The following MICAL3 variants were observed in gnomAD, a reference collection of about 807,000 sequenced individuals.
MICAL3 encodes the protein [F-actin]-monooxygenase MICAL3.
MICAL3 carries 62 observed loss-of-function variants against 207.4 expected under a neutral mutation model. The observed-to-expected ratio is 0.30, with a 90% CI of 0.24 to 0.37. The LOEUF is 0.37. MICAL3 is among the 10% of genes least tolerant of loss of function. MICAL3 has a pLI of 1.00. For synonymous variants in MICAL3, 1,077 were observed against 1,069.3 expected, an observed-to-expected ratio of 1.01 and a Z score of -0.14; for missense variants, 2,368 against 2,635.6, an observed-to-expected ratio of 0.90 and a Z score of 2.22.
intron 19 of MICAL3, among the ~76,000 whole-genome samples, chr22:17,858,823 C>T (rs936964652): frequency 9.2e-5 from 14 of 152,218 alleles, no homozygotes; most frequent in Non-Finnish European, 1.5e-4. Flanking sequence ...CCTCAGGCAT[C>T]GCTGTGAACA....
At chr22:17,960,452 C>G (rs976687049) in intron 1 of MICAL3, among the ~76,000 whole-genome samples, 6 of 152,192 alleles carry the variant, frequency 3.9e-5, no homozygotes, top group Admixed American at 1.3e-4. Context: ...AATTCCTGTC[C>G]TCATGGAGCT....
At chr22:17,957,039 T>C (rs960483781) in intron 1 of MICAL3, among the ~76,000 whole-genome samples, 2 of 152,196 alleles carry the variant, frequency 1.3e-5, no homozygotes, top group African/African-American at 4.8e-5. Context: ...TAGAAAAACA[T>C]TTTGCCTTTC....
chr22:17,950,850 A>C (rs989355711), intron 1 of MICAL3, among the ~76,000 whole-genome samples: 2 of 152,162 alleles, frequency 1.3e-5, no homozygotes, highest in African/African-American at 4.8e-5. Context: ...ACTTGGAAAG[A>C]CTCAGAGGCT....
rs115100667 is a variant in MICAL3 at position 17,791,691 on chromosome 22, G to A, written c.5651-390C>T. On this transcript the variant is annotated intron_variant, in intron 29 of 31. Coordinates refer to ENST00000441493, the MANE Select transcript of MICAL3 (RefSeq NM_015241.3). ...TTGGAGGAAACCCGTCTTGTTAAAC[G>A]AGACAAATGTGAATTTGTAAACTGC... 1,240 of 217,564 alleles carry A rather than the reference G, an allele frequency of 5.7e-3. 24 individuals are homozygous for A. The highest frequency in any genetic ancestry group is 0.027 in the African/African-American group (1,193 of 44,098). The allele number at this position is 217,564 out of a possible 1,614,324, so 13.5% of individuals were successfully genotyped here.
intron 16 of MICAL3, among the ~76,000 whole-genome samples, chr22:17,884,046 AAC>A (rs1474782755): frequency 1.3e-5 from 2 of 152,210 alleles, no homozygotes; most frequent in Non-Finnish European, 2.9e-5. Context: ...AAACCAAATC[AAC>A]AGTCTCCCTT....
chr22:17,990,805 CAT>C, intron 1 of MICAL3, among the ~76,000 whole-genome samples: 1 of 152,204 alleles, frequency 6.6e-6, no homozygotes. Context: ...TGCCATGACA[CAT>C]ATTATGAAGC....
chr22:17,973,377 T>C (rs1935504793), intron 1 of MICAL3, among the ~76,000 whole-genome samples: 1 of 152,130 alleles, frequency 6.6e-6, no homozygotes, highest in Admixed American at 6.5e-5. Flanking sequence ...CTTACTTCTG[T>C]AGGGTATGTA....
At chr22:17,913,905 C>G (rs772387477) in intron 1 of MICAL3, among the ~76,000 whole-genome samples, 1 of 152,124 alleles carries the variant, frequency 6.6e-6, no homozygotes, top group African/African-American at 2.4e-5. Flanking sequence ...CGTCAACTCA[C>G]GTTCAAAGTA....
intron 19 of MICAL3, 78 bp downstream of exon 19, chr22:17,864,821 G>A (rs1042261947): frequency 6.2e-7 from 1 of 1,613,952 alleles, no homozygotes; most frequent in Non-Finnish European, 8.5e-7. Flanking sequence ...CTTTGGAGGT[G>A]CTGGCTCATG....
At chr22:17,861,099 A>G (rs1300401000) in intron 19 of MICAL3, 5 of 985,420 alleles carry the variant, frequency 5.1e-6, no homozygotes, top group Non-Finnish European at 6.0e-6. Context: ...GCTCCACTAA[A>G]AAGCTTTCCA....
Position 17,827,768 on chromosome 22 carries a change from C to A in MICAL3, c.3069G>T (p.Arg1023Ser). ...EEESSEAGNQRLQQVMHAADP... is the reference protein window; with the variant it reads ...EEESSEAGNQSLQQVMHAADP... ...CCGCCGCGTGCATGACCTGCTGGAG[C>A]CTCTGGTTCCCGGCTAGTGTCCCAG... Residue 1023 changes from arginine (R) to serine (S), a missense_variant, in exon 22 of 32, where the codon AGG (arginine) becomes AGT (serine). This residue lies in a region of MICAL3 where 1,770 missense variants were observed against 1,863.2 expected (regional missense o/e 0.95). Coordinates refer to ENST00000441493, the MANE Select transcript of MICAL3 (RefSeq NM_015241.3). 1.3e-6 allele frequency: 2 copies of A among 1,550,068 alleles called. No homozygotes were observed. Among genetic ancestry groups the A allele is most frequent in the South Asian group, 1.2e-5 (1 of 84,030 alleles).
intron 3 of MICAL3, among the ~76,000 whole-genome samples, chr22:17,904,142 C>T (rs1442970389): frequency 6.6e-6 from 1 of 152,254 alleles, no homozygotes; most frequent in East Asian, 1.9e-4. Flanking sequence ...CAGGCCAGGG[C>T]TCTGCGCCTC....
Position 17,790,931 on chromosome 22 carries a change from A to C in MICAL3, c.5825-15T>G, listed in dbSNP as rs2289716. The C allele has an allele frequency of 4.0e-4, 648 of 1,613,458 alleles. 2 individuals carry two copies. In the East Asian group the frequency reaches 0.012, roughly 29 times the overall value. On this transcript the variant is annotated splice_polypyrimidine_tract_variant and intron_variant, in intron 31 of 31. Coordinates refer to ENST00000441493, the MANE Select transcript of MICAL3 (RefSeq NM_015241.3). ...CTTAAGGTGATCTTGAAGGAGAAGA[A>C]GGCATGAGGTGAGGGGCCTGGAGGT...
At chr22:17,896,585 A>G in intron 8 of MICAL3, 139 bp downstream of exon 8, 2 of 923,960 alleles carry the variant, frequency 2.2e-6, no homozygotes, top group East Asian at 2.6e-5. Context: ...GCCCTCCTCT[A>G]CTTCCTGGTG....
At chr22:17,791,173 G>C (rs777709951) in intron 30 of MICAL3, 29 bp downstream of exon 30, 1 of 1,610,298 alleles carries the variant, frequency 6.2e-7, no homozygotes, top group Non-Finnish European at 8.5e-7. Flanking sequence ...CAAGCATAGC[G>C]CTGACGCCCC....
intron 19 of MICAL3, among the ~76,000 whole-genome samples, chr22:17,843,747 T>C (rs1264919375): frequency 6.6e-6 from 1 of 152,216 alleles, no homozygotes; most frequent in Non-Finnish European, 1.5e-5. Context: ...ACTGTGTGCA[T>C]ACTCCTGGAA....
intron 16 of MICAL3, among the ~76,000 whole-genome samples, chr22:17,877,915 C>T (rs533456171): frequency 6.6e-6 from 1 of 151,982 alleles, no homozygotes; most frequent in East Asian, 1.9e-4. Flanking sequence ...TGCAGTGGCG[C>T]GATCTTGGCT....
chr22:17,957,832 A>G (rs1051874198), intron 1 of MICAL3, among the ~76,000 whole-genome samples: 1 of 152,130 alleles, frequency 6.6e-6, no homozygotes, highest in Non-Finnish European at 1.5e-5. Context: ...GAAATGGTAC[A>G]GTCACAGGGA....
intron 12 of MICAL3, among the ~76,000 whole-genome samples, chr22:17,890,324 C>T (rs912835986): frequency 1.3e-5 from 2 of 152,080 alleles, no homozygotes; most frequent in African/African-American, 2.4e-5. Context: ...AGACGGTCCC[C>T]TAACCTTCTC....
Sources: gnomAD v4.1 joint callset for allele counts (sites outside exome capture counted in the v4.1 genomes callset) on GRCh38, gnomAD v4.1.1 for gene constraint, gnomAD v4.1.1 regional missense constraint, MANE v1.5 for transcripts, NCBI Gene and HGNC (gene_info 2026-07-23, HGNC 2026-07-21) for gene names.